Variants in CAMTA1 observed in about 807,000 individuals in gnomAD.
CAMTA1 encodes the protein calmodulin-binding transcription activator 1.
Under a neutral mutation model 170.9 loss-of-function variants are expected in CAMTA1, and 27 were observed. That is an observed-to-expected ratio of 0.16 (90% CI 0.12 to 0.22). The LOEUF is 0.22. CAMTA1 is among the 10% of genes least tolerant of loss of function. CAMTA1 has a pLI of 1.00. For missense variants in CAMTA1, 1,619 were observed against 2,217.2 expected (o/e 0.73, Z 5.42); for synonymous variants, 833 against 891.5 (o/e 0.93, Z 1.17).
intron 11 of CAMTA1, among the ~76,000 whole-genome samples, chr1:7,717,340 C>T (rs891928711): frequency 1.3e-5 from 2 of 152,128 alleles, no homozygotes; most frequent in Admixed American, 6.5e-5. Flanking sequence ...GTACATAGTG[C>T]ATTACTATGT....
chr1:7,396,409 G>A (rs962346715), intron 5 of CAMTA1, among the ~76,000 whole-genome samples: 11 of 152,132 alleles, frequency 7.2e-5, no homozygotes, highest in African/African-American at 2.4e-4. Flanking sequence ...CTAGCCTCAG[G>A]TATTCCTTTA....
intron 1 of CAMTA1, among the ~76,000 whole-genome samples, chr1:6,807,516 C>T (rs1466025866): frequency 1.8e-4 from 27 of 151,956 alleles, no homozygotes; most frequent in Non-Finnish European, 2.4e-4. Context: ...GTCAGGAGAT[C>T]GAGACCATCC....
rs115997807 is a variant in CAMTA1 at position 7,103,619 on chromosome 1, G to A, written c.302+12248G>A. ...CACACATGTACACAACTACACACAC[G>A]CACACACAACTACACACACGCACAC... On this transcript the variant is annotated intron_variant, in intron 4 of 22. Transcript: ENST00000303635. 4.1e-3 allele frequency among the ~76,000 whole-genome samples: 95 copies of A among 23,150 alleles called. 1 individual carries two copies. The highest frequency in any genetic ancestry group is 0.023 in the African/African-American group (52 of 2,262). The allele number at this position is 23,150 out of a possible 152,430, so 15.2% of individuals were successfully genotyped here.
At chr1:6,789,417 G>A (rs751005090) in intron 1 of CAMTA1, among the ~76,000 whole-genome samples, 10 of 152,076 alleles carry the variant, frequency 6.6e-5, no homozygotes, top group Non-Finnish European at 8.8e-5. Context: ...CTGATTTTGA[G>A]GTAGCCCATC....
rs1161658500 is a variant in CAMTA1, at chr1:7,609,173, C to T, written c.511-31227C>T. Among the ~76,000 whole-genome samples the T allele has an allele frequency of 6.6e-6, 1 of 152,134 alleles. No individual in the cohort carries two copies. On this transcript the variant is annotated intron_variant, in intron 6 of 22. Coordinates refer to ENST00000303635, the MANE Select transcript of CAMTA1 (RefSeq NM_015215.4). The surrounding 1 kb of genome is among the most constrained non-coding windows in gnomAD (Gnocchi z 4.4). ...CTGCCGCCTGTGCCTTGCCTCCTGG[C>T]CTCCTAGCCACAGACAGGGGTTTAT...
intron 4 of CAMTA1, among the ~76,000 whole-genome samples, chr1:7,127,948 G>T (rs61779978): frequency 0.018 from 2,765 of 152,276 alleles, 36 homozygotes; most frequent in South Asian, 0.04. Flanking sequence ...GGATTAGAGC[G>T]GCTCACAGTG....
chr1:7,350,694 A>G (rs991105307), intron 5 of CAMTA1, among the ~76,000 whole-genome samples: 19 of 152,176 alleles, frequency 1.2e-4, no homozygotes, highest in Non-Finnish European at 1.3e-4. Context: ...CAGAATGGTC[A>G]GGTATTTTTA....
intron 6 of CAMTA1, among the ~76,000 whole-genome samples, chr1:7,473,714 G>A (rs765006260): frequency 6.6e-6 from 1 of 152,212 alleles, no homozygotes; most frequent in Non-Finnish European, 1.5e-5. Flanking sequence ...GGCACCCCCA[G>A]CCAACAGAGA....
At chr1:6,790,461 A>C (rs1442705630) in intron 1 of CAMTA1, among the ~76,000 whole-genome samples, 1 of 151,844 alleles carries the variant, frequency 6.6e-6, no homozygotes, top group Non-Finnish European at 1.5e-5. Flanking sequence ...CATAACTTTT[A>C]GGTTGTTTAG....
chr1:7,445,878 G>A (rs1268138288), intron 5 of CAMTA1, among the ~76,000 whole-genome samples: 1 of 152,122 alleles, frequency 6.6e-6, no homozygotes, highest in Non-Finnish European at 1.5e-5. Context: ...GAACATTCAG[G>A]GGTCAGGATG....
chr1:7,743,981 C>CA (rs2096837717), intron 16 of CAMTA1, among the ~76,000 whole-genome samples: 1 of 150,928 alleles, frequency 6.6e-6, no homozygotes, highest in African/African-American at 2.4e-5. Flanking sequence ...CGCCCGCCAC[C>CA]ACGCCCAGCT....
chr1:7,123,948 G>A (rs1013093563), intron 4 of CAMTA1, among the ~76,000 whole-genome samples: 2 of 152,126 alleles, frequency 1.3e-5, no homozygotes, highest in Non-Finnish European at 2.9e-5. Flanking sequence ...TGACCCAAGG[G>A]AGTGAACTTG....
intron 5 of CAMTA1, among the ~76,000 whole-genome samples, chr1:7,389,026 T>G (rs1388487192): frequency 1.3e-5 from 2 of 152,106 alleles, no homozygotes; most frequent in East Asian, 1.9e-4. Flanking sequence ...CAGCACTGAG[T>G]AGGCACTGCA....
intron 11 of CAMTA1, among the ~76,000 whole-genome samples, chr1:7,686,557 C>A (rs1011956559): frequency 3.3e-5 from 5 of 151,946 alleles, no homozygotes; most frequent in Non-Finnish European, 7.4e-5. Context: ...GCAGAGGCCA[C>A]ATGGGATGCA....
rs2091872761 is a variant in CAMTA1 at position 7,426,282 on chromosome 1, G to A, written c.439-41548G>A. On this transcript the variant is annotated intron_variant, in intron 5 of 22. Coordinates refer to ENST00000303635, the MANE Select transcript of CAMTA1 (RefSeq NM_015215.4). This position sits in a 1 kb window ranked among gnomAD's most constrained non-coding sequence, Gnocchi z 4.8. ...TCCGAAGCTCAGAGCATCCTCACTA[G>A]CATTTCTGTAGCCCCTCAGAGTCCT... is the stretch of plus-strand genomic sequence containing the variant. Among the ~76,000 whole-genome samples, 1 of 152,104 alleles carries A rather than the reference G, an allele frequency of 6.6e-6. No homozygotes were observed. Among genetic ancestry groups the A allele is most frequent in the South Asian group, 2.1e-4 (1 of 4,830 alleles).
Position 6,894,731 on chromosome 1 carries a change from C to G in CAMTA1, c.234+69521C>G, listed in dbSNP as rs1393345751. ...AACAGTTTGAATAAAGTGAAAACAT[C>G]ACTGGACTAGCTATTTTAAACATTT... is the stretch of plus-strand genomic sequence containing the variant. On this transcript the variant is annotated intron_variant, in intron 3 of 22. Transcript: ENST00000303635. Among the ~76,000 whole-genome samples the G allele has an allele frequency of 2.0e-5, 3 of 152,302 alleles. No individual in the cohort carries two copies. In the East Asian group the frequency reaches 5.8e-4, roughly 29 times the overall value.
chr1:6,941,560 G>C (rs1349796722), intron 3 of CAMTA1, among the ~76,000 whole-genome samples: 2 of 152,210 alleles, frequency 1.3e-5, no homozygotes, highest in Admixed American at 1.3e-4. Flanking sequence ...ATCAGGGAGG[G>C]TGGGGCTCCA....
intron 1 of CAMTA1, among the ~76,000 whole-genome samples, chr1:6,804,055 G>A (rs1000720923): frequency 7.2e-5 from 11 of 152,186 alleles, no homozygotes; most frequent in African/African-American, 1.7e-4. Context: ...ATGGTGGCGG[G>A]TGCCAGTAAT....
Position 7,614,559 on chromosome 1 carries a change from G to A in CAMTA1, c.511-25841G>A, listed in dbSNP as rs182278183. Among the ~76,000 whole-genome samples the A allele has an allele frequency of 4.7e-4, 72 of 152,270 alleles. 1 individual carries two copies. The highest frequency in any genetic ancestry group is 4.2e-3 in the East Asian group (22 of 5,180). Reference sequence around the variant, plus strand: ...ACAACCGCCCCATTGGCGCTGACACGCTGAAGGCTCCCCAAAGCCACCACT... The same window carrying A: ...ACAACCGCCCCATTGGCGCTGACACACTGAAGGCTCCCCAAAGCCACCACT... On this transcript the variant is annotated intron_variant, in intron 6 of 22. Coordinates refer to ENST00000303635, the MANE Select transcript of CAMTA1 (RefSeq NM_015215.4).
Sources: allele counts gnomAD v4.1 joint callset (sites outside exome capture counted in the v4.1 genomes callset), GRCh38; gene constraint gnomAD v4.1.1; non-coding constraint Gnocchi (gnomAD v3.1); transcripts MANE v1.5; gene names NCBI Gene and HGNC (gene_info 2026-07-23, HGNC 2026-07-21).